DCC: variants seen among roughly 807,000 people sequenced by gnomAD.
The protein encoded by DCC is DCC netrin 1 receptor.
A neutral mutation model predicts 172.5 loss-of-function variants in DCC; 58 were observed. The observed-to-expected ratio is 0.34, with a 90% confidence interval of 0.27 to 0.42. The LOEUF (loss-of-function observed/expected upper bound fraction) is 0.42, where lower values mean the gene tolerates loss of function less well. Among genes scored for constraint, DCC ranks in the 10% least tolerant of loss-of-function variants. The pLI, the probability that DCC is intolerant of heterozygous loss-of-function variation, is 1.00. For missense variants in DCC, 1,740 were observed against 1,791.0 expected (o/e 0.97, Z 0.51); for synonymous variants, 709 against 644.5 (o/e 1.10, Z -1.52).
At chr18:53,517,607 G>A (rs995853892) in intron 27 of DCC, among the ~76,000 whole-genome samples, 1 of 152,046 alleles carries the variant, frequency 6.6e-6, no homozygotes, top group African/African-American at 2.4e-5. Flanking sequence ...TGAAAGCCAC[G>A]TTACTTGTGA....
At chr18:53,352,731 T>C (rs1027496051) in intron 15 of DCC, among the ~76,000 whole-genome samples, 18 of 152,196 alleles carry the variant, frequency 1.2e-4, no homozygotes, top group Admixed American at 9.8e-4. Context: ...AATGTGAATA[T>C]AGATCTGGTT....
chr18:52,886,647 G>T (rs2039574144), intron 2 of DCC, among the ~76,000 whole-genome samples: 1 of 152,076 alleles, frequency 6.6e-6, no homozygotes, highest in Non-Finnish European at 1.5e-5. Context: ...CAAAACCTCT[G>T]TTTCCTCTGC....
chr18:52,766,969 G>A (rs1033337394), intron 2 of DCC, among the ~76,000 whole-genome samples: 8 of 151,738 alleles, frequency 5.3e-5, no homozygotes, highest in African/African-American at 1.2e-4. Flanking sequence ...GATTCCCCAG[G>A]TACCTTGCAG....
intron 12 of DCC, among the ~76,000 whole-genome samples, chr18:53,275,490 T>G (rs1275383935): frequency 6.6e-6 from 1 of 152,138 alleles, no homozygotes; most frequent in Non-Finnish European, 1.5e-5. Context: ...GGTTTTAAAT[T>G]GGTAGTCCTT....
intron 5 of DCC, among the ~76,000 whole-genome samples, chr18:53,016,289 C>A (rs1397388567): frequency 6.6e-6 from 1 of 152,040 alleles, no homozygotes; most frequent in African/African-American, 2.4e-5. Context: ...TCCACTAAAA[C>A]CATTGATAAA....
chr18:52,983,454 T>C (rs1215459246), intron 5 of DCC, among the ~76,000 whole-genome samples: 2 of 152,196 alleles, frequency 1.3e-5, no homozygotes, highest in African/African-American at 4.8e-5. Context: ...ATTTTTAGGC[T>C]ATAAATTCTA....
chr18:53,215,668 C>A, intron 12 of DCC, 71 bp downstream of exon 12: 1 of 1,246,882 alleles, frequency 8.0e-7, no homozygotes, highest in South Asian at 1.2e-5. Context: ...TTCACTCACC[C>A]AACTGCTGTC....
intron 1 of DCC, among the ~76,000 whole-genome samples, chr18:52,624,284 TTCTCG>T (rs2144865613): frequency 6.6e-6 from 1 of 152,322 alleles, no homozygotes; most frequent in Admixed American, 6.5e-5. Flanking sequence ...CAATTAATCC[TTCTCG>T]TCTGCTTTTG....
rs2055608375 is a variant in DCC, at chr18:53,205,322, T to A, written c.1680T>A (p.Gly560=). The change falls in exon 10 of 29, where the codon GGT becomes GGA. Residue 560 remains glycine, a synonymous_variant. Transcript: ENST00000442544. ...CCTATGCAAACGGTCCAGTCCAAGG[T>A]TACAGATTGTTCTGCACTGAGGTGT... ...PPAYANGPVQ[G]YRLFCTEVST... is the part of the protein sequence containing the mutation. The A allele has an allele frequency of 6.2e-7, 1 of 1,613,818 alleles. No individual in the cohort carries two copies. The highest frequency in any genetic ancestry group is 8.5e-7 in the Non-Finnish European group (1 of 1,179,902).
chr18:53,307,891 GTGTATGTATATATATA>G (rs1360589898), intron 13 of DCC, among the ~76,000 whole-genome samples: 30 of 48,002 alleles, frequency 6.2e-4, no homozygotes, highest in African/African-American at 1.4e-3. Context: ...AGCAATGTGT[GTGTATGTATATATATA>G]TATATATATA....
At chr18:52,764,149 C>A (rs928683357) in intron 2 of DCC, among the ~76,000 whole-genome samples, 1 of 152,188 alleles carries the variant, frequency 6.6e-6, no homozygotes, top group Non-Finnish European at 1.5e-5. Context: ...TGGACCTAAA[C>A]ATTGTAAGCC....
intron 26 of DCC, among the ~76,000 whole-genome samples, chr18:53,497,750 C>G (rs1447883882): frequency 6.6e-6 from 1 of 152,198 alleles, no homozygotes; most frequent in Non-Finnish European, 1.5e-5. Context: ...CCAACATCAC[C>G]AAGGATTTGC....
chr18:53,232,841 A>G (rs2056143669), intron 12 of DCC, among the ~76,000 whole-genome samples: 3 of 152,134 alleles, frequency 2.0e-5, no homozygotes, highest in Non-Finnish European at 4.4e-5. Context: ...ATCCTATATG[A>G]CAGCCCCTGT....
intron 1 of DCC, among the ~76,000 whole-genome samples, chr18:52,567,829 CAG>C (rs1216585790): frequency 6.6e-6 from 1 of 151,594 alleles, no homozygotes; most frequent in East Asian, 1.9e-4. Context: ...TAAAAAAAAA[CAG>C]AGAGGTGAGG....
intron 5 of DCC, among the ~76,000 whole-genome samples, chr18:53,009,451 T>C (rs1348309659): frequency 6.6e-6 from 1 of 151,816 alleles, no homozygotes; most frequent in Non-Finnish European, 1.5e-5. Flanking sequence ...TGTCACTAAG[T>C]TGGTTATGCT....
At chr18:53,332,163 T>C (rs2057535823) in intron 14 of DCC, among the ~76,000 whole-genome samples, 1 of 152,202 alleles carries the variant, frequency 6.6e-6, no homozygotes, top group Admixed American at 6.5e-5. Context: ...TTCATTGTTG[T>C]GGTTTTCAAG....
rs1487521735 is a variant in DCC at position 53,535,473 on chromosome 18, C to T, written c.*4820C>T. ...AAGCATTTTGCAGATCAGTGCTACT[C>T]ATTCAAAGGGCTTTGCAACTCAAAC... On this transcript the variant is annotated 3_prime_UTR_variant, in exon 29 of 29. Transcript: ENST00000442544. 6.6e-6 allele frequency: 1 copy of T among 152,184 alleles called. No individual in the cohort carries two copies. Among genetic ancestry groups the T allele is most frequent in the African/African-American group, 2.4e-5 (1 of 41,434 alleles). The allele number at this position is 152,184 out of a possible 1,614,324, so 9.4% of individuals were successfully genotyped here.
intron 1 of DCC, among the ~76,000 whole-genome samples, chr18:52,372,907 G>T (rs1273430524): frequency 6.6e-6 from 1 of 152,140 alleles, no homozygotes; most frequent in Non-Finnish European, 1.5e-5. Flanking sequence ...ACAATTTATT[G>T]TTCGAATGGA....
At chr18:52,906,869 A>G (rs1294441917) in intron 3 of DCC, among the ~76,000 whole-genome samples, 4 of 151,372 alleles carry the variant, frequency 2.6e-5, no homozygotes, top group African/African-American at 4.9e-5. Flanking sequence ...TTTTTTACCA[A>G]TAAATAAGCA....
Sources: gnomAD v4.1 joint callset for allele counts (sites outside exome capture counted in the v4.1 genomes callset) on GRCh38, gnomAD v4.1.1 for gene constraint, MANE v1.5 for transcripts, NCBI Gene and HGNC (gene_info 2026-07-23, HGNC 2026-07-21) for gene names.